MECOM: variants seen among roughly 807,000 people sequenced by gnomAD.
MECOM encodes histone-lysine N-methyltransferase MECOM.
Under a neutral mutation model 116.3 loss-of-function variants are expected in MECOM, and 13 were observed. That is an observed-to-expected ratio of 0.11 (90% CI 0.07 to 0.18). The LOEUF is 0.18. Among genes scored for constraint, MECOM ranks in the 10% least tolerant of loss-of-function variants. The probability of loss-of-function intolerance (pLI) is 1.00; values close to 1 mark genes in which losing one functional copy is unlikely to be tolerated. For synonymous variants in MECOM, 528 were observed against 535.2 expected (o/e 0.99, Z 0.19); for missense variants, 1,299 against 1,509.0 (o/e 0.86, Z 2.31).
At chr3:169,507,730 C>T (rs1174525169) in intron 1 of MECOM, among the ~76,000 whole-genome samples, 3 of 133,530 alleles carry the variant, frequency 2.2e-5, no homozygotes, top group East Asian at 2.3e-4. Flanking sequence ...GGCGCGATCT[C>T]GGCTCACTGC....
intron 1 of MECOM, among the ~76,000 whole-genome samples, chr3:169,570,821 T>A (rs946353350): frequency 6.6e-6 from 1 of 152,054 alleles, no homozygotes; most frequent in Non-Finnish European, 1.5e-5. Context: ...ATAAACTAGG[T>A]ATTGATGGAA....
At position 169,209,176 on chromosome 3, in the gene MECOM, C is replaced by T. The variant is rs577035613; in HGVS notation, c.376-65344G>A. 5.2e-3 allele frequency among the ~76,000 whole-genome samples: 791 copies of T among 152,182 alleles called. 2 individuals carry two copies. The highest frequency in any genetic ancestry group is 0.021 in the South Asian group (102 of 4,812). ...ACTGAAACTGGACCCATTCCTTTCA[C>T]CTTATTTTGAATTACACTAAAATTA... On this transcript the variant is annotated intron_variant, in intron 2 of 16. Transcript: ENST00000651503.
chr3:169,095,851 A>T (rs112618426), intron 12 of MECOM, among the ~76,000 whole-genome samples: 8 of 151,680 alleles, frequency 5.3e-5, no homozygotes, highest in African/African-American at 1.7e-4. Context: ...GTTATAAAAA[A>T]AATAATAATG....
At chr3:169,151,734 A>G (rs1186967847) in intron 2 of MECOM, among the ~76,000 whole-genome samples, 2 of 152,232 alleles carry the variant, frequency 1.3e-5, no homozygotes, top group Non-Finnish European at 2.9e-5. Flanking sequence ...TTTCCATGTC[A>G]GAATAGGATT....
intron 1 of MECOM, among the ~76,000 whole-genome samples, chr3:169,476,041 A>C (rs1750321685): frequency 6.6e-6 from 1 of 152,172 alleles, no homozygotes; most frequent in African/African-American, 2.4e-5. Context: ...TTATGCCTTG[A>C]AGTTGTCTGC....
At chr3:169,377,159 C>G (rs548295008) in intron 2 of MECOM, among the ~76,000 whole-genome samples, 1 of 152,122 alleles carries the variant, frequency 6.6e-6, no homozygotes, top group South Asian at 2.1e-4. Flanking sequence ...CTTCCTTATA[C>G]CCTATACAAA....
chr3:169,141,653 T>C (rs1013779422), intron 3 of MECOM, among the ~76,000 whole-genome samples: 1 of 152,046 alleles, frequency 6.6e-6, no homozygotes, highest in African/African-American at 2.4e-5. Flanking sequence ...AATATGCTTA[T>C]AATATATGCA....
At chr3:169,104,047 G>A (rs186788936) in intron 10 of MECOM, among the ~76,000 whole-genome samples, 8 of 152,278 alleles carry the variant, frequency 5.3e-5, no homozygotes, top group Admixed American at 3.3e-4. Context: ...CTTGTCAGAC[G>A]ACAAATGTGA....
intron 1 of MECOM, among the ~76,000 whole-genome samples, chr3:169,435,365 G>A (rs970177651): frequency 1.3e-5 from 2 of 152,036 alleles, no homozygotes; most frequent in African/African-American, 2.4e-5. Flanking sequence ...TACATCACCC[G>A]ATTACTTGGA....
intron 2 of MECOM, among the ~76,000 whole-genome samples, chr3:169,320,965 T>C (rs1435068609): frequency 6.6e-6 from 1 of 152,120 alleles, no homozygotes; most frequent in Non-Finnish European, 1.5e-5. Flanking sequence ...AATCTGAGGC[T>C]CAGAGGGGCT....
Position 169,084,893 on chromosome 3 carries a change from G to A in MECOM, c.*16C>T. ...TACTGTTGGACTTGGTCCCACTCTG[G>A]TCAACCTTGATAACGTCATACGTGG... On this transcript the variant is annotated 3_prime_UTR_variant, in exon 17 of 17. Transcript: ENST00000651503. 6.2e-7 allele frequency: 1 copy of A among 1,613,924 alleles called. No individual in the cohort carries two copies. Among genetic ancestry groups the A allele is most frequent in the African/African-American group, 1.3e-5 (1 of 75,018 alleles).
intron 2 of MECOM, among the ~76,000 whole-genome samples, chr3:169,171,598 A>G (rs576802793): frequency 4.6e-5 from 7 of 152,296 alleles, no homozygotes; most frequent in African/African-American, 1.7e-4. Context: ...AAAAAATGAA[A>G]ATAATTATAA....
intron 1 of MECOM, among the ~76,000 whole-genome samples, chr3:169,415,742 T>A (rs959480913): frequency 2.0e-5 from 3 of 152,066 alleles, no homozygotes; most frequent in Non-Finnish European, 2.9e-5. Flanking sequence ...TAGTCTCTGT[T>A]AAAACAGACT....
chr3:169,642,728 A>G (rs1424759802), intron 1 of MECOM, among the ~76,000 whole-genome samples: 1 of 150,040 alleles, frequency 6.7e-6, no homozygotes, highest in Non-Finnish European at 1.5e-5. Flanking sequence ...ATTCAAAACA[A>G]AGGTTAATTA....
intron 2 of MECOM, among the ~76,000 whole-genome samples, chr3:169,312,668 G>A (rs538049347): frequency 6.6e-6 from 1 of 152,202 alleles, no homozygotes; most frequent in Non-Finnish European, 1.5e-5. Flanking sequence ...GTGAGCCGCC[G>A]TGCCTGGCCA....
intron 1 of MECOM, chr3:169,483,940 C>T: frequency 6.2e-7 from 1 of 1,607,024 alleles, no homozygotes; most frequent in Non-Finnish European, 8.5e-7. Flanking sequence ...AAAAACTGCT[C>T]AAAATTGGCA....
chr3:169,370,941 G>T (rs1729989764), intron 2 of MECOM, among the ~76,000 whole-genome samples: 3 of 151,848 alleles, frequency 2.0e-5, no homozygotes, highest in Admixed American at 2.0e-4. Context: ...AGCCATTAGG[G>T]AATACAGTAT....
intron 12 of MECOM, 83 bp downstream of exon 12, chr3:169,100,802 A>G (rs1723319628): frequency 2.5e-6 from 2 of 785,704 alleles, no homozygotes. Flanking sequence ...ATTATTATAA[A>G]CTTTAATTAT....
chr3:169,583,767 A>ATTTTTT (rs575566457), intron 1 of MECOM, among the ~76,000 whole-genome samples: 1 of 137,350 alleles, frequency 7.3e-6, no homozygotes. Flanking sequence ...CGTCTGGCTA[A>ATTTTTT]TTTTTTTTTT....
Sources: allele counts gnomAD v4.1 joint callset (sites outside exome capture counted in the v4.1 genomes callset), GRCh38; gene constraint gnomAD v4.1.1; transcripts MANE v1.5; gene names NCBI Gene and HGNC (gene_info 2026-07-23, HGNC 2026-07-21).